Variants in APBB2 observed in about 807,000 individuals in gnomAD.
The protein encoded by APBB2 is amyloid beta precursor protein binding family B member 2.
A neutral mutation model predicts 82.5 loss-of-function variants in APBB2; 38 were observed. The observed-to-expected ratio is 0.46, with a 90% confidence interval of 0.36 to 0.60. The LOEUF (loss-of-function observed/expected upper bound fraction) is 0.60, where lower values mean the gene tolerates loss of function less well. APBB2 is among the 20% of genes least tolerant of loss of function. The pLI, the probability that APBB2 is intolerant of heterozygous loss-of-function variation, is 0.00. For synonymous variants in APBB2, 341 were observed against 368.2 expected, an observed-to-expected ratio of 0.93 and a Z score of 0.85; for missense variants, 772 against 972.3, an observed-to-expected ratio of 0.79 and a Z score of 2.74.
intron 1 of APBB2, among the ~76,000 whole-genome samples, chr4:41,149,014 G>A (rs1273945070): frequency 3.3e-5 from 5 of 152,066 alleles, no homozygotes; most frequent in Non-Finnish European, 4.4e-5. Flanking sequence ...TAACTGATCC[G>A]TATATAGTAA....
In APBB2 at chr4:40,998,249, T is replaced by C. The variant is rs181759305; in HGVS notation, c.835+15334A>G. ...GATTCACAGATGTAATATTTTCATATTGCATAATGAAATGTTTCAACATTT... is the reference window on the plus strand; with the variant it reads ...GATTCACAGATGTAATATTTTCATACTGCATAATGAAATGTTTCAACATTT... On this transcript the variant is annotated intron_variant, in intron 6 of 17. Transcript: ENST00000508593. 3.1e-3 allele frequency among the ~76,000 whole-genome samples: 472 copies of C among 152,358 alleles called. 1 individual carries two copies. The highest frequency in any genetic ancestry group is 5.7e-3 in the Non-Finnish European group (386 of 68,040).
At chr4:41,045,232 A>G (rs1245251226) in intron 4 of APBB2, among the ~76,000 whole-genome samples, 1 of 151,684 alleles carries the variant, frequency 6.6e-6, no homozygotes, top group Non-Finnish European at 1.5e-5. Context: ...CTCCTGTATA[A>G]TTTTGTAATA....
chr4:41,030,862 T>A (rs1343574561), intron 5 of APBB2, among the ~76,000 whole-genome samples: 1 of 151,156 alleles, frequency 6.6e-6, no homozygotes, highest in African/African-American at 2.5e-5. Flanking sequence ...TAAGGCCTGC[T>A]CAGAAGGCAC....
intron 10 of APBB2, among the ~76,000 whole-genome samples, chr4:40,906,504 GAA>G (rs1410204659): frequency 6.0e-5 from 8 of 132,864 alleles, no homozygotes; most frequent in African/African-American, 1.7e-4. Context: ...GAAAAGAAAA[GAA>G]AAAAGAAAAC....
At chr4:40,934,316 G>T in intron 10 of APBB2, 140 bp downstream of exon 10, 1 of 803,990 alleles carries the variant, frequency 1.2e-6, no homozygotes, top group Non-Finnish European at 2.0e-6. Context: ...GTGTCAGGGA[G>T]ATTAGGAAAG....
intron 1 of APBB2, among the ~76,000 whole-genome samples, chr4:41,165,974 C>A (rs1454915932): frequency 6.6e-6 from 1 of 150,808 alleles, no homozygotes; most frequent in Non-Finnish European, 1.5e-5. Context: ...CCCGGGTTCA[C>A]GCCATTCTCC....
chr4:41,068,802 T>G (rs1336384243), intron 3 of APBB2, among the ~76,000 whole-genome samples: 1 of 143,110 alleles, frequency 7.0e-6, no homozygotes, highest in Non-Finnish European at 1.5e-5. Flanking sequence ...TTTTTTTTTT[T>G]TTTTTTTTTT....
At chr4:40,880,179 A>G in intron 12 of APBB2, 1 of 985,412 alleles carries the variant, frequency 1.0e-6, no homozygotes, top group Non-Finnish European at 1.2e-6. Context: ...AAGAGGCACA[A>G]TTACATTGCA....
chr4:40,843,347 C>CA (rs1444863867), intron 12 of APBB2, among the ~76,000 whole-genome samples: 2 of 152,124 alleles, frequency 1.3e-5, no homozygotes, highest in Non-Finnish European at 2.9e-5. Flanking sequence ...CAGTGAACCA[C>CA]AAAGTCATTA....
chr4:40,876,815 C>T lies in APBB2; in HGVS notation c.1529+13549G>A, dbSNP rs141710701. On this transcript the variant is annotated intron_variant, in intron 12 of 17. Coordinates refer to ENST00000508593, the MANE Select transcript of APBB2 (RefSeq NM_004307.2). Reference sequence around the variant, plus strand: ...TAAAAAATCTGCAGATATAGAGGGCCGACTGTATCAACAGCTGGTTCCTTT... The same window carrying T: ...TAAAAAATCTGCAGATATAGAGGGCTGACTGTATCAACAGCTGGTTCCTTT... 3.9e-5 allele frequency among the ~76,000 whole-genome samples: 6 copies of T among 152,248 alleles called. No individual in the cohort carries two copies. The East Asian group carries it at 9.6e-4, about 24-fold the overall frequency.
At chr4:40,915,014 TGAG>T (rs1192179946) in intron 10 of APBB2, among the ~76,000 whole-genome samples, 2 of 152,196 alleles carry the variant, frequency 1.3e-5, no homozygotes, top group Non-Finnish European at 2.9e-5. Flanking sequence ...AGGGGGCAGT[TGAG>T]GAGGGAGAAG....
At chr4:41,006,624 C>T (rs1489908824) in intron 6 of APBB2, among the ~76,000 whole-genome samples, 3 of 151,976 alleles carry the variant, frequency 2.0e-5, no homozygotes, top group Non-Finnish European at 4.4e-5. Context: ...TCACCACAGC[C>T]TGCTAATTGT....
rs80176724 is a variant in APBB2 at position 41,071,742 on chromosome 4, C to T, written c.-148-6069G>A. On this transcript the variant is annotated intron_variant, in intron 3 of 17. Transcript: ENST00000508593. ...AAGAATAAGACATTGAGAATGATCA[C>T]GATTTTCAAAACAGCTGAAGGATTA... 2.5e-3 allele frequency among the ~76,000 whole-genome samples: 379 copies of T among 152,090 alleles called. 1 individual carries two copies. The highest frequency in any genetic ancestry group is 0.017 in the Middle Eastern group (5 of 294).
intron 6 of APBB2, among the ~76,000 whole-genome samples, chr4:40,945,959 G>A (rs554448795): frequency 2.0e-5 from 3 of 152,300 alleles, no homozygotes; most frequent in East Asian, 1.9e-4. Context: ...AAGGCCGGGC[G>A]TGGTGGTTCA....
intron 17 of APBB2, among the ~76,000 whole-genome samples, chr4:40,819,987 A>G (rs1198519553): frequency 6.6e-6 from 1 of 152,090 alleles, no homozygotes; most frequent in Non-Finnish European, 1.5e-5. Context: ...GAAAGTGAAG[A>G]TCCTCATACT....
At chr4:40,987,573 G>C (rs76134595) in intron 6 of APBB2, among the ~76,000 whole-genome samples, 2 of 152,034 alleles carry the variant, frequency 1.3e-5, no homozygotes, top group Admixed American at 6.6e-5. Flanking sequence ...TTTAAAATTA[G>C]ATAGTCATCT....
Position 40,883,304 on chromosome 4 carries a change from C to G in APBB2, c.1529+7060G>C, listed in dbSNP as rs562254769. On this transcript the variant is annotated intron_variant, in intron 12 of 17. Coordinates refer to ENST00000508593, the MANE Select transcript of APBB2 (RefSeq NM_004307.2). ...CATCACTGCACTCTAGCCTGGGTAA[C>G]AGAGCGAGACGGTGGCTCACACCAG... Among the ~76,000 whole-genome samples the G allele has an allele frequency of 2.4e-4, 36 of 152,262 alleles. No individual in the cohort carries two copies. The South Asian group carries it at 6.4e-3, about 27-fold the overall frequency.
chr4:41,181,178 A>G (rs1160120877), intron 1 of APBB2, among the ~76,000 whole-genome samples: 2 of 151,658 alleles, frequency 1.3e-5, no homozygotes, highest in Non-Finnish European at 2.9e-5. Flanking sequence ...CCCACATTCA[A>G]TTCCAAGCAG....
rs563334568 is a variant in APBB2 at position 40,898,383 on chromosome 4, C to T, written c.1255-4972G>A. On this transcript the variant is annotated intron_variant, in intron 10 of 17. Transcript: ENST00000508593. ...GGTTCAAACGATTCTCCTGCCTCAG[C>T]CTCCCGAGTAGCTGGGATTACAGGC... 2.7e-4 allele frequency among the ~76,000 whole-genome samples: 41 copies of T among 152,308 alleles called. No individual in the cohort carries two copies. The South Asian group carries it at 6.0e-3, about 22-fold the overall frequency.
Sources: allele counts gnomAD v4.1 joint callset (sites outside exome capture counted in the v4.1 genomes callset), GRCh38; gene constraint gnomAD v4.1.1; transcripts MANE v1.5; gene names NCBI Gene and HGNC (gene_info 2026-07-23, HGNC 2026-07-21).